MTUS1: variants seen among roughly 807,000 people sequenced by gnomAD.
MTUS1 encodes the protein microtubule associated scaffold protein 1.
Under a neutral mutation model 120.8 loss-of-function variants are expected in MTUS1, and 109 were observed. That is an observed-to-expected ratio of 0.90 (90% CI 0.77 to 1.06). The LOEUF (loss-of-function observed/expected upper bound fraction) is 1.06. MTUS1 is among the 50% of genes least tolerant of loss of function. The pLI is 0.00. For synonymous variants in MTUS1, 737 were observed against 550.5 expected (o/e 1.34, Z -4.74); for missense variants, 2,210 against 1,486.3 (o/e 1.49, Z -8.01).
intron 5 of MTUS1, 73 bp from the exon 6 acceptor site, chr8:17,713,325 T>C (rs1821701517): frequency 1.1e-6 from 1 of 926,182 alleles, no homozygotes. Context: ...ACCATGTTGA[T>C]AAGAATTATT....
rs557487465 is a variant in MTUS1, at chr8:17,717,573, C to T, written c.2450-1672G>A. Among the ~76,000 whole-genome samples, 311 of 152,268 alleles carry T rather than the reference C, an allele frequency of 2.0e-3. 1 individual carries two copies. The highest frequency in any genetic ancestry group is 3.5e-3 in the Non-Finnish European group (240 of 68,016). On this transcript the variant is annotated intron_variant, in intron 4 of 14. Transcript: ENST00000693296. ...CTTATTCATATTTTAAAAAATTAAA[C>T]TGAGTTCAATTTACAGACCTAATAT...
rs1187367571 is a variant in MTUS1 at position 17,722,121 on chromosome 8, A to G, written c.2449+1551T>C. 4 of 1,267,956 alleles carry G rather than the reference A, an allele frequency of 3.2e-6. No individual in the cohort carries two copies. The East Asian group carries it at 9.5e-5, about 30-fold the overall frequency. The allele number at this position is 1,267,956 out of a possible 1,614,324, so 78.5% of individuals were successfully genotyped here. On this transcript the variant is annotated intron_variant, in intron 4 of 14. Coordinates refer to ENST00000693296, the MANE Select transcript of MTUS1 (RefSeq NM_001363059.2). ...TCCGCAACAGGAACACATCGCCACTAGACAGGCTCTGTGGGTGTATGGTAA... is the reference window on the plus strand; with the variant it reads ...TCCGCAACAGGAACACATCGCCACTGGACAGGCTCTGTGGGTGTATGGTAA...
chr8:17,709,972 A>T (rs920772510), intron 6 of MTUS1, among the ~76,000 whole-genome samples: 1 of 151,346 alleles, frequency 6.6e-6, no homozygotes, highest in African/African-American at 2.4e-5. Context: ...ATGCCACTGC[A>T]CTCCAGCCTG....
At chr8:17,729,757 C>T (rs1426424241) in intron 3 of MTUS1, among the ~76,000 whole-genome samples, 2 of 150,118 alleles carry the variant, frequency 1.3e-5, no homozygotes, top group Admixed American at 1.3e-4. Flanking sequence ...TTAAGAATAG[C>T]CAAAAAAAAA....
chr8:17,747,710 G>A (rs904937054), intron 2 of MTUS1, among the ~76,000 whole-genome samples: 1 of 152,144 alleles, frequency 6.6e-6, no homozygotes, highest in South Asian at 2.1e-4. Flanking sequence ...GACTCACTTG[G>A]TAGGGGAGAC....
At chr8:17,786,473 A>C (rs2051310902) in intron 1 of MTUS1, among the ~76,000 whole-genome samples, 1 of 152,186 alleles carries the variant, frequency 6.6e-6, no homozygotes, top group South Asian at 2.1e-4. Context: ...CAGAGGAGAG[A>C]AGAGCCTCAG....
chr8:17,650,114 G>C, intron 12 of MTUS1, 152 bp from the exon 13 acceptor site: 1 of 667,186 alleles, frequency 1.5e-6, no homozygotes, highest in South Asian at 1.7e-5. Context: ...TGAAAAACAA[G>C]AGCACCTTAA....
intron 1 of MTUS1, among the ~76,000 whole-genome samples, chr8:17,766,032 T>C (rs1248281034): frequency 6.6e-6 from 1 of 152,196 alleles, no homozygotes; most frequent in East Asian, 1.9e-4. Context: ...AAGAGACCTT[T>C]ATGCTAGCAT....
intron 7 of MTUS1, among the ~76,000 whole-genome samples, chr8:17,679,005 G>A (rs1209564513): frequency 1.3e-5 from 2 of 152,114 alleles, no homozygotes; most frequent in South Asian, 2.1e-4. Flanking sequence ...TGTGACATTA[G>A]TTCTCAGATT....
chr8:17,682,995 G>A (rs1814910202), intron 7 of MTUS1, among the ~76,000 whole-genome samples: 1 of 152,212 alleles, frequency 6.6e-6, no homozygotes, highest in Non-Finnish European at 1.5e-5. Context: ...CATTAAGGCT[G>A]GGCGCAGTGG....
intron 3 of MTUS1, among the ~76,000 whole-genome samples, chr8:17,735,836 C>T (rs1371120765): frequency 1.3e-5 from 2 of 152,244 alleles, no homozygotes; most frequent in Non-Finnish European, 2.9e-5. Context: ...GAGCTGAACT[C>T]TATCCTTATG....
At chr8:17,746,018 A>C (rs1323555813) in intron 2 of MTUS1, among the ~76,000 whole-genome samples, 1 of 152,166 alleles carries the variant, frequency 6.6e-6, no homozygotes, top group Non-Finnish European at 1.5e-5. Flanking sequence ...CTCCTCCTCC[A>C]GTCATACAAG....
At position 17,723,725 on chromosome 8, in the gene MTUS1, C is replaced by A. The variant is rs369235983; in HGVS notation, c.2396G>T (p.Ser799Ile). The A allele has an allele frequency of 2.5e-6, 4 of 1,610,946 alleles. No individual in the cohort carries two copies. The East Asian group carries it at 8.9e-5, about 36-fold the overall frequency. The stretch of plus-strand genomic sequence containing the variant: ...GTGGGTGCTGGCTATTGAGGGGGTG[C>A]TTCCTGTCCTCCGCAGCGCAGGACT... ...LKSPALRRTG[S>I]TPSIASTHSE... Residue 799 changes from serine (S) to isoleucine (I), a missense_variant, in exon 4 of 15, where the codon AGC becomes ATC. By Grantham distance (142) the Ser-to-Ile change is moderately radical (BLOSUM62 -2). Coordinates refer to ENST00000693296, the MANE Select transcript of MTUS1 (RefSeq NM_001363059.2).
intron 12 of MTUS1, among the ~76,000 whole-genome samples, chr8:17,652,890 AT>A (rs147719813): frequency 4.7e-5 from 7 of 149,630 alleles, no homozygotes; most frequent in East Asian, 2.0e-4. Flanking sequence ...CAATACAGTG[AT>A]TTTTTTTTTA....
rs535166254 is a variant in MTUS1, at chr8:17,723,813, T to C, written c.2308A>G (p.Thr770Ala). 6.3e-7 allele frequency: 1 copy of C among 1,591,248 alleles called. No homozygotes were observed. The highest frequency in any genetic ancestry group is 1.8e-5 in the Admixed American group (1 of 55,688). Residue 770 changes from threonine (T) to alanine (A), a missense_variant, in exon 4 of 15, where the codon ACT (threonine) becomes GCT (alanine). Physicochemically the swap from Thr to Ala is moderately conservative, Grantham distance 58. Coordinates refer to ENST00000693296, the MANE Select transcript of MTUS1 (RefSeq NM_001363059.2). ...SSSGKPTSLK[T>A]AQSSWVNLPR... ...AAATTCACCCATGACGACTGTGCAGTTTTCAAGGATGTAGGCTTTCCTTGG... is the reference window on the plus strand; with the variant it reads ...AAATTCACCCATGACGACTGTGCAGCTTTCAAGGATGTAGGCTTTCCTTGG...
At position 17,721,287 on chromosome 8, in the gene MTUS1, A is replaced by G. The variant is rs573391103; in HGVS notation, c.2449+2385T>C. 4.1e-4 allele frequency among the ~76,000 whole-genome samples: 62 copies of G among 152,326 alleles called. 1 individual carries two copies. In the South Asian group the frequency reaches 0.011, roughly 27 times the overall value. On this transcript the variant is annotated intron_variant, in intron 4 of 14. Transcript: ENST00000693296. ...TTTTCATGTTTTGAGGTAGCCTTTA[A>G]AAGTATACATGTTTAATACTTTCAG...
At chr8:17,684,294 G>A (rs1270796105) in intron 7 of MTUS1, 34 bp downstream of exon 7, 5 of 1,540,550 alleles carry the variant, frequency 3.2e-6, no homozygotes, top group South Asian at 2.2e-5. Flanking sequence ...CCGACCTCAA[G>A]TAGAAAGGCT....
At chr8:17,661,646 A>G (rs1809722798) in intron 8 of MTUS1, among the ~76,000 whole-genome samples, 1 of 148,324 alleles carries the variant, frequency 6.7e-6, no homozygotes, top group Admixed American at 6.7e-5. Flanking sequence ...CTATTCACCA[A>G]AAAAAAAAAA....
At chr8:17,763,906 C>A (rs991093782) in intron 1 of MTUS1, among the ~76,000 whole-genome samples, 1 of 151,416 alleles carries the variant, frequency 6.6e-6, no homozygotes, top group Non-Finnish European at 1.5e-5. Context: ...TGTGACCACA[C>A]AGATGAACAA....
Sources: allele counts gnomAD v4.1 joint callset (sites outside exome capture counted in the v4.1 genomes callset), GRCh38; gene constraint gnomAD v4.1.1; transcripts MANE v1.5; gene names NCBI Gene and HGNC (gene_info 2026-07-23, HGNC 2026-07-21).